QTGAL: variants seen among roughly 807,000 people sequenced by gnomAD.
QTGAL encodes the protein BGnT-like protein 1.
chr17:83,006,059 C>T, the QTGAL span: 2 of 1,008,690 alleles, frequency 2.0e-6, no homozygotes, highest in Admixed American at 5.9e-5. The surrounding 1 kb of genome is among the most constrained non-coding windows in gnomAD (Gnocchi z 5.8). Flanking sequence ...AAGTGAGGGC[C>T]CAGGGCCAGC....
chr17:83,007,841 C>T, the QTGAL span, among the ~76,000 whole-genome samples: 2 of 152,164 alleles, frequency 1.3e-5, no homozygotes, highest in Non-Finnish European at 2.9e-5. Context: ...CCACGAGCCA[C>T]GAGCATTGGT....
At chr17:83,048,483 A>G in the QTGAL span, 3 of 1,610,818 alleles carry the variant, frequency 1.9e-6, no homozygotes, top group East Asian at 4.5e-5. Flanking sequence ...CCTCTAGGAG[A>G]GGGAGAATCG....
At chr17:82,977,978 C>T in the QTGAL span, among the ~76,000 whole-genome samples, 1 of 152,188 alleles carries the variant, frequency 6.6e-6, no homozygotes, top group Non-Finnish European at 1.5e-5. Flanking sequence ...TGCCCTGGGG[C>T]TTGGCTGGAG....
the QTGAL span, chr17:82,965,773 T>G: frequency 1.3e-6 from 2 of 1,586,622 alleles, no homozygotes; most frequent in Non-Finnish European, 1.7e-6. Context: ...TTGACAGAGT[T>G]AGCGGAAAAG....
At chr17:83,031,783 T>C in the QTGAL span, among the ~76,000 whole-genome samples, 8 of 152,256 alleles carry the variant, frequency 5.3e-5, no homozygotes, top group East Asian at 1.3e-3. Flanking sequence ...CCGTCCTCAG[T>C]TGCCAACGCT....
chr17:83,004,100 C>T, the QTGAL span, among the ~76,000 whole-genome samples: 4 of 2,276 alleles, frequency 1.8e-3, no homozygotes, highest in African/African-American at 2.9e-3. Context: ...ATTCCTGAGC[C>T]CGCCCTCCCG....
chr17:83,013,901 G>A, the QTGAL span, among the ~76,000 whole-genome samples: 358 of 152,258 alleles, frequency 2.4e-3, 1 homozygote, highest in African/African-American at 7.0e-3. Flanking sequence ...GGAGCCTCGC[G>A]GTGGCTGAGA....
At chr17:82,969,634 C>G in the QTGAL span, among the ~76,000 whole-genome samples, 3 of 152,236 alleles carry the variant, frequency 2.0e-5, no homozygotes, top group African/African-American at 4.8e-5. Context: ...GTGCTTACAC[C>G]TGTCAACAGC....
chr17:83,005,182 G>T, the QTGAL span: 1 of 1,610,128 alleles, frequency 6.2e-7, no homozygotes, highest in African/African-American at 1.3e-5. The surrounding 1 kb of genome is among the most constrained non-coding windows in gnomAD (Gnocchi z 5.6). Flanking sequence ...GGAGTTAGGG[G>T]GATCTCTCCT....
the QTGAL span, among the ~76,000 whole-genome samples, chr17:82,999,928 T>A: frequency 6.6e-6 from 1 of 151,910 alleles, no homozygotes; most frequent in African/African-American, 2.4e-5. Flanking sequence ...GTGAAAACTG[T>A]GAGAGGTCAC....
At chr17:82,971,074 G>T in the QTGAL span, among the ~76,000 whole-genome samples, 1 of 152,136 alleles carries the variant, frequency 6.6e-6, no homozygotes, top group African/African-American at 2.4e-5. Flanking sequence ...ATTCATCCGT[G>T]CACAAGGGGT....
the QTGAL span, among the ~76,000 whole-genome samples, chr17:82,980,922 G>C: frequency 6.6e-6 from 1 of 152,148 alleles, no homozygotes; most frequent in Non-Finnish European, 1.5e-5. Context: ...GGTTCCCCTG[G>C]CAACCAGCCC....
At chr17:83,038,891 T>C in the QTGAL span, among the ~76,000 whole-genome samples, 3 of 132,662 alleles carry the variant, frequency 2.3e-5, no homozygotes, top group Non-Finnish European at 5.1e-5. Context: ...AAGATGTTTA[T>C]AGTAGTTTCA....
At chr17:83,040,593 G>C in the QTGAL span, among the ~76,000 whole-genome samples, 1 of 152,014 alleles carries the variant, frequency 6.6e-6, no homozygotes, top group Admixed American at 6.5e-5. Flanking sequence ...AAAATAACAA[G>C]AGTCAGACTG....
chr17:82,964,035 G>GA, the QTGAL span, among the ~76,000 whole-genome samples: 1 of 150,678 alleles, frequency 6.6e-6, no homozygotes, highest in Non-Finnish European at 1.5e-5. Flanking sequence ...GGTCGGGGGG[G>GA]TGGATTGCTT....
the QTGAL span, among the ~76,000 whole-genome samples, chr17:82,950,727 A>G: frequency 6.6e-6 from 1 of 152,200 alleles, no homozygotes; most frequent in African/African-American, 2.4e-5. Context: ...GCACAAAAAC[A>G]CGAACCCCTC....
At chr17:82,977,415 G>A in the QTGAL span, among the ~76,000 whole-genome samples, 1 of 152,174 alleles carries the variant, frequency 6.6e-6, no homozygotes, top group Non-Finnish European at 1.5e-5. Flanking sequence ...GACTCCGGGT[G>A]CTCAGTGTTG....
the QTGAL span, among the ~76,000 whole-genome samples, chr17:82,971,699 C>T: frequency 2.5e-4 from 3 of 11,772 alleles, 1 homozygote; most frequent in African/African-American, 1.7e-3. Context: ...CACCACACCA[C>T]AGGGGCCAGA....
the QTGAL span, chr17:82,956,814 G>C: frequency 6.5e-7 from 1 of 1,550,258 alleles, no homozygotes; most frequent in Non-Finnish European, 8.7e-7. The surrounding 1 kb of genome is among the most constrained non-coding windows in gnomAD (Gnocchi z 5.7). Flanking sequence ...CCTGGAGCTT[G>C]TCCCCGGAGA....
Sources: allele counts gnomAD v4.1 joint callset (sites outside exome capture counted in the v4.1 genomes callset), GRCh38; gene constraint gnomAD v4.1.1; non-coding constraint Gnocchi (gnomAD v3.1); transcripts MANE v1.5; gene names NCBI Gene and HGNC (gene_info 2026-07-23, HGNC 2026-07-21).